Variants in RSPO2 observed in about 807,000 individuals in gnomAD.
The protein encoded by RSPO2 is R-spondin 2.
RSPO2 carries 14 observed loss-of-function variants against 30.9 expected under a neutral mutation model. The ratio of observed to expected loss-of-function variants is 0.45; its 90% CI spans 0.30 to 0.71. The LOEUF (loss-of-function observed/expected upper bound fraction) is 0.71. RSPO2 is among the 30% of genes least tolerant of loss of function. RSPO2 has a pLI of 0.08. For missense variants in RSPO2, 264 were observed against 301.9 expected, an observed-to-expected ratio of 0.87 and a Z score of 0.93; for synonymous variants, 107 against 96.4, an observed-to-expected ratio of 1.11 and a Z score of -0.64.
chr8:107,958,789 C>T (rs614519), intron 4 of RSPO2, among the ~76,000 whole-genome samples: 74,400 of 151,992 alleles, frequency 0.49, 21,449 homozygotes, highest in East Asian at 0.69. Context: ...TAAGTGAGAA[C>T]GTGCGGTGTT....
At chr8:107,995,163 T>A (rs1373667032) in intron 2 of RSPO2, among the ~76,000 whole-genome samples, 1 of 152,132 alleles carries the variant, frequency 6.6e-6, no homozygotes, top group African/African-American at 2.4e-5. Flanking sequence ...TATCAACTGT[T>A]CTCTTTTATT....
chr8:107,911,530 G>A (rs1811828518), intron 5 of RSPO2, among the ~76,000 whole-genome samples: 2 of 152,112 alleles, frequency 1.3e-5, no homozygotes, highest in African/African-American at 2.4e-5. Flanking sequence ...TAACAATGAT[G>A]CCTGCTTCAG....
At position 107,987,617 on chromosome 8, in the gene RSPO2, A is replaced by G. The variant is rs530050414; in HGVS notation, c.283+1439T>C. ...GACCAAGGACACTAAATGTCCAGCAATGTAGGACAGGTCCCATGAAACAGA... is the reference window on the plus strand; with the variant it reads ...GACCAAGGACACTAAATGTCCAGCAGTGTAGGACAGGTCCCATGAAACAGA... On this transcript the variant is annotated intron_variant, in intron 3 of 5. Transcript: ENST00000276659. 5.8e-4 allele frequency among the ~76,000 whole-genome samples: 89 copies of G among 152,338 alleles called. 1 individual carries two copies. In the South Asian group the frequency reaches 8.1e-3, roughly 14 times the overall value.
chr8:108,006,262 G>GA (rs1815448138), intron 2 of RSPO2, among the ~76,000 whole-genome samples: 1 of 152,230 alleles, frequency 6.6e-6, no homozygotes, highest in Non-Finnish European at 1.5e-5. Flanking sequence ...GTTCTCTGAT[G>GA]AATTCAAACA....
chr8:108,062,951 T>C (rs1269356528), intron 2 of RSPO2, among the ~76,000 whole-genome samples: 1 of 151,886 alleles, frequency 6.6e-6, no homozygotes, highest in Non-Finnish European at 1.5e-5. Context: ...TCTCAATAGA[T>C]GCAGAAAAGG....
chr8:107,946,101 G>T (rs1370323617), intron 5 of RSPO2, among the ~76,000 whole-genome samples: 1 of 152,204 alleles, frequency 6.6e-6, no homozygotes, highest in Non-Finnish European at 1.5e-5. Flanking sequence ...ATGTAAGACT[G>T]GGTGGGTCAT....
chr8:108,012,888 T>C (rs187886506), intron 2 of RSPO2, among the ~76,000 whole-genome samples: 309 of 152,334 alleles, frequency 2.0e-3, no homozygotes, highest in Middle Eastern at 0.014. Flanking sequence ...AACCCTCATG[T>C]TGGAATTTAC....
intron 2 of RSPO2, among the ~76,000 whole-genome samples, chr8:108,021,881 A>G (rs1421768782): frequency 2.6e-5 from 4 of 152,150 alleles, no homozygotes; most frequent in African/African-American, 7.2e-5. Flanking sequence ...ACCATGGCAC[A>G]TGTATACCTA....
At chr8:108,071,341 T>G (rs1021939365) in intron 2 of RSPO2, among the ~76,000 whole-genome samples, 1 of 152,224 alleles carries the variant, frequency 6.6e-6, no homozygotes, top group Admixed American at 6.5e-5. Context: ...CCACTGCTGA[T>G]GTAACTTACT....
At chr8:107,914,043 C>G (rs990501288) in intron 5 of RSPO2, among the ~76,000 whole-genome samples, 1 of 152,052 alleles carries the variant, frequency 6.6e-6, no homozygotes, top group African/African-American at 2.4e-5. Context: ...AAATGAATCA[C>G]CAGTGAATCA....
At chr8:108,028,824 A>T (rs751621921) in intron 2 of RSPO2, among the ~76,000 whole-genome samples, 1 of 152,174 alleles carries the variant, frequency 6.6e-6, no homozygotes, top group Non-Finnish European at 1.5e-5. Context: ...AGTGAGAGGA[A>T]TGATGTTCAT....
At chr8:108,035,923 T>A (rs1811582606) in intron 2 of RSPO2, among the ~76,000 whole-genome samples, 1 of 152,176 alleles carries the variant, frequency 6.6e-6, no homozygotes, top group Non-Finnish European at 1.5e-5. Flanking sequence ...ATCTATATGC[T>A]GGCTAATAAA....
chr8:108,009,419 A>G (rs1011663690), intron 2 of RSPO2, among the ~76,000 whole-genome samples: 1 of 152,210 alleles, frequency 6.6e-6, no homozygotes, highest in Non-Finnish European at 1.5e-5. Flanking sequence ...AATATTGACT[A>G]CAAAGAACCA....
intron 3 of RSPO2, among the ~76,000 whole-genome samples, chr8:107,968,523 T>C (rs976523248): frequency 2.0e-5 from 3 of 152,036 alleles, no homozygotes; most frequent in Admixed American, 6.6e-5. Context: ...TAGTATTCAA[T>C]AGTACAGTAG....
chr8:107,944,041 C>G (rs1812978849), intron 5 of RSPO2, among the ~76,000 whole-genome samples: 1 of 152,154 alleles, frequency 6.6e-6, no homozygotes, highest in Non-Finnish European at 1.5e-5. Flanking sequence ...GGTATAAGCA[C>G]TCAGTATTTT....
At chr8:108,017,766 A>G (rs1346883234) in intron 2 of RSPO2, among the ~76,000 whole-genome samples, 1 of 152,214 alleles carries the variant, frequency 6.6e-6, no homozygotes, top group Non-Finnish European at 1.5e-5. Flanking sequence ...ATTAGTAATG[A>G]ACGATTTGTC....
chr8:107,957,647 T>C (rs1047695568), intron 5 of RSPO2, among the ~76,000 whole-genome samples: 4 of 152,212 alleles, frequency 2.6e-5, no homozygotes, highest in African/African-American at 9.6e-5. Flanking sequence ...AGTTGTCATC[T>C]TCAACTAGTA....
chr8:107,971,016 T>C (rs1722735397), intron 3 of RSPO2, among the ~76,000 whole-genome samples: 1 of 152,238 alleles, frequency 6.6e-6, no homozygotes, highest in Admixed American at 6.5e-5. Context: ...GCTTTGTAAA[T>C]GAGGATATTA....
chr8:107,968,885 T>C (rs1813905838), intron 3 of RSPO2, among the ~76,000 whole-genome samples: 1 of 152,144 alleles, frequency 6.6e-6, no homozygotes, highest in African/African-American at 2.4e-5. Flanking sequence ...ACATATGCAC[T>C]ACTCAAAGGG....
Sources: gnomAD v4.1 joint callset for allele counts (sites outside exome capture counted in the v4.1 genomes callset) on GRCh38, gnomAD v4.1.1 for gene constraint, MANE v1.5 for transcripts, NCBI Gene and HGNC (gene_info 2026-07-23, HGNC 2026-07-21) for gene names.